Variants in ADAMTS17 observed in about 807,000 individuals in gnomAD.
ADAMTS17 encodes A disintegrin and metalloproteinase with thrombospondin motifs 17.
In ADAMTS17, 113 loss-of-function variants were observed where a neutral mutation model predicts 141.5. That is an observed-to-expected ratio of 0.80 (90% CI 0.69 to 0.93). The LOEUF is 0.93. Among genes scored for constraint, ADAMTS17 ranks in the 40% least tolerant of loss-of-function variants. The pLI, the probability that ADAMTS17 is intolerant of heterozygous loss-of-function variation, is 0.00. For synonymous variants in ADAMTS17, 768 were observed against 630.6 expected (o/e 1.22, Z -3.27); for missense variants, 1,659 against 1,517.9 (o/e 1.09, Z -1.54).
intron 3 of ADAMTS17, among the ~76,000 whole-genome samples, chr15:100,292,049 C>T (rs2044642113): frequency 1.3e-5 from 2 of 151,298 alleles, no homozygotes; most frequent in South Asian, 2.1e-4. Flanking sequence ...ACGCTCAGCC[C>T]GTGGGGAGTC....
intron 20 of ADAMTS17, among the ~76,000 whole-genome samples, chr15:99,992,760 G>T (rs1325385301): frequency 6.6e-6 from 1 of 152,234 alleles, no homozygotes; most frequent in East Asian, 1.9e-4. Flanking sequence ...GGCATCCAGG[G>T]CACCCGCGTC....
intron 18 of ADAMTS17, among the ~76,000 whole-genome samples, chr15:100,006,702 T>A (rs769522249): frequency 3.3e-5 from 5 of 152,222 alleles, no homozygotes; most frequent in Non-Finnish European, 7.3e-5. Flanking sequence ...AAGGCGCTGG[T>A]ATCGACTGAG....
chr15:100,051,938 C>T (rs1481583935), intron 16 of ADAMTS17, among the ~76,000 whole-genome samples: 1 of 152,176 alleles, frequency 6.6e-6, no homozygotes, highest in African/African-American at 2.4e-5. Flanking sequence ...GGGGTGAATG[C>T]AAACCATCGT....
intron 7 of ADAMTS17, among the ~76,000 whole-genome samples, chr15:100,204,068 G>A (rs2041442135): frequency 6.6e-6 from 1 of 152,148 alleles, no homozygotes; most frequent in Non-Finnish European, 1.5e-5. Context: ...CTCAGTAGAA[G>A]CATAATTTTG....
intron 8 of ADAMTS17, among the ~76,000 whole-genome samples, chr15:100,187,966 C>G (rs1237098784): frequency 1.3e-5 from 2 of 152,178 alleles, no homozygotes; most frequent in Non-Finnish European, 2.9e-5. Context: ...CGACTGTAGT[C>G]CAAGCAACGT....
intron 6 of ADAMTS17, among the ~76,000 whole-genome samples, chr15:100,255,875 A>T (rs2043310452): frequency 6.6e-6 from 1 of 152,180 alleles, no homozygotes; most frequent in South Asian, 2.1e-4. Flanking sequence ...CCCTGAGGGG[A>T]AACAGTCAGT....
intron 4 of ADAMTS17, among the ~76,000 whole-genome samples, chr15:100,272,578 C>T (rs889247318): frequency 2.9e-5 from 2 of 67,990 alleles, no homozygotes; most frequent in Non-Finnish European, 3.4e-5. Context: ...TTCTCTCTGT[C>T]TCTCTCTCTG....
intron 7 of ADAMTS17, among the ~76,000 whole-genome samples, chr15:100,215,458 C>T (rs751810983): frequency 2.0e-5 from 3 of 152,008 alleles, no homozygotes; most frequent in Non-Finnish European, 2.9e-5. Context: ...TCAGTATGAC[C>T]GATTCTCCTT....
rs963903369 is a variant in ADAMTS17 at position 100,085,322 on chromosome 15, T to G, written c.2137+11034A>C. Among the ~76,000 whole-genome samples, 3 of 148,476 alleles carry G rather than the reference T, an allele frequency of 2.0e-5. No homozygotes were observed. The Admixed American group carries it at 2.0e-4, about 10-fold the overall frequency. On this transcript the variant is annotated intron_variant, in intron 15 of 21. Coordinates refer to ENST00000268070, the MANE Select transcript of ADAMTS17 (RefSeq NM_139057.4). ...AGAATACAAAGAAACGAACAAAGCCTCCAAGAAATATGGGACTATGTGAAA... is the reference window on the plus strand; with the variant it reads ...AGAATACAAAGAAACGAACAAAGCCGCCAAGAAATATGGGACTATGTGAAA...
At chr15:100,129,743 CAAA>C in intron 12 of ADAMTS17, 5 of 144,728 alleles carry the variant, frequency 3.5e-5, no homozygotes, top group Non-Finnish European at 4.5e-5. Context: ...AACTCCGTCT[CAAA>C]AAAAAAAAAA....
chr15:100,187,040 T>C (rs1171760384), intron 8 of ADAMTS17, among the ~76,000 whole-genome samples: 1 of 152,206 alleles, frequency 6.6e-6, no homozygotes, highest in African/African-American at 2.4e-5. Flanking sequence ...GTTCTTTTCA[T>C]CTGGACCGAG....
rs1419589734 is a variant in ADAMTS17 at position 99,971,963 on chromosome 15, G to C, written c.*2439C>G. On this transcript the variant is annotated 3_prime_UTR_variant, in exon 22 of 22. Coordinates refer to ENST00000268070, the MANE Select transcript of ADAMTS17 (RefSeq NM_139057.4). ...GGTAGGCTGGTGGATTTCAAGATAA[G>C]CTAAAAGGCCGGGCGCGGTGGCTCA... The C allele has an allele frequency of 1.3e-5, 2 of 152,186 alleles. No individual in the cohort carries two copies. The highest frequency in any genetic ancestry group is 2.9e-5 in the Non-Finnish European group (2 of 68,040). 9.4% of individuals were successfully genotyped at this position (152,186 alleles called of 1,614,324 possible).
intron 20 of ADAMTS17, among the ~76,000 whole-genome samples, chr15:99,992,229 G>T (rs1369881513): frequency 2.6e-5 from 4 of 152,126 alleles, no homozygotes; most frequent in Non-Finnish European, 5.9e-5. Flanking sequence ...ATATTCTGCA[G>T]GCTGAGCAAA....
At chr15:100,209,428 C>T (rs1045992453) in intron 7 of ADAMTS17, among the ~76,000 whole-genome samples, 3 of 152,088 alleles carry the variant, frequency 2.0e-5, no homozygotes, top group African/African-American at 7.2e-5. Flanking sequence ...GGCCCCTCCA[C>T]TAAAGAAGTA....
intron 7 of ADAMTS17, among the ~76,000 whole-genome samples, chr15:100,245,120 T>C (rs764642196): frequency 6.6e-6 from 1 of 152,206 alleles, no homozygotes; most frequent in Non-Finnish European, 1.5e-5. Context: ...GAGACACTCC[T>C]TCTACTCTTG....
At chr15:100,008,571 C>A (rs2061087529) in intron 18 of ADAMTS17, among the ~76,000 whole-genome samples, 1 of 152,234 alleles carries the variant, frequency 6.6e-6, no homozygotes. Context: ...CGCTGGACTG[C>A]CATCTCCCCT....
chr15:100,204,410 A>G (rs1468480155), intron 7 of ADAMTS17, among the ~76,000 whole-genome samples: 1 of 152,238 alleles, frequency 6.6e-6, no homozygotes, highest in Non-Finnish European at 1.5e-5. Context: ...AGCATGTGGC[A>G]TCTGCCATAC....
At chr15:100,339,175 C>G in intron 2 of ADAMTS17, 1 of 984,922 alleles carries the variant, frequency 1.0e-6, no homozygotes, top group Non-Finnish European at 1.2e-6. Flanking sequence ...GCACAGCACC[C>G]TCACATGGTG....
At chr15:100,088,680 A>T (rs1445559034) in intron 15 of ADAMTS17, among the ~76,000 whole-genome samples, 1 of 152,124 alleles carries the variant, frequency 6.6e-6, no homozygotes, top group African/African-American at 2.4e-5. Context: ...CTCAGAAATA[A>T]TACCACACAT....
Sources: gnomAD v4.1 joint callset for allele counts (sites outside exome capture counted in the v4.1 genomes callset) on GRCh38, gnomAD v4.1.1 for gene constraint, MANE v1.5 for transcripts, NCBI Gene and HGNC (gene_info 2026-07-23, HGNC 2026-07-21) for gene names.